The following BTBD9 variants were observed in gnomAD, a reference collection of about 807,000 sequenced individuals.
The protein encoded by BTBD9 is BTB domain containing 9.
BTBD9 carries 49 observed loss-of-function variants against 64.3 expected under a neutral mutation model. The ratio of observed to expected loss-of-function variants is 0.76; its 90% CI spans 0.61 to 0.97. The LOEUF (loss-of-function observed/expected upper bound fraction) is 0.97, where lower values mean the gene tolerates loss of function less well. BTBD9 is among the 50% of genes least tolerant of loss of function. The pLI, the probability that BTBD9 is intolerant of heterozygous loss-of-function variation, is 0.00. For synonymous variants in BTBD9, 260 were observed against 274.7 expected (o/e 0.95, Z 0.53); for missense variants, 598 against 762.1 (o/e 0.78, Z 2.53).
intron 8 of BTBD9, among the ~76,000 whole-genome samples, chr6:38,256,874 C>T (rs921667759): frequency 6.6e-5 from 10 of 152,094 alleles, no homozygotes; most frequent in Admixed American, 4.6e-4. Flanking sequence ...ACTGTAATTT[C>T]GAGTTGATTT....
intron 6 of BTBD9, among the ~76,000 whole-genome samples, chr6:38,536,879 T>G (rs1774043402): frequency 6.6e-6 from 1 of 152,010 alleles, no homozygotes; most frequent in Non-Finnish European, 1.5e-5. Flanking sequence ...TCTAGTTAGA[T>G]AGAATGAATA....
intron 6 of BTBD9, among the ~76,000 whole-genome samples, chr6:38,363,791 T>C (rs1159493436): frequency 6.6e-6 from 1 of 152,180 alleles, no homozygotes; most frequent in Non-Finnish European, 1.5e-5. Flanking sequence ...ATGGTGAAAT[T>C]AGGTTACATA....
chr6:38,360,817 A>G (rs1350393164), intron 6 of BTBD9, among the ~76,000 whole-genome samples: 2 of 118,836 alleles, frequency 1.7e-5, no homozygotes, highest in African/African-American at 5.6e-5. Context: ...ACAGGATGGA[A>G]CAACAAGATA....
chr6:38,545,859 C>T lies in BTBD9; in HGVS notation c.1154+31741G>A, dbSNP rs9784853. ...TAAAACACACACACACACACATACA[C>T]ACACACACACACACACACACACACA... On this transcript the variant is annotated intron_variant, in intron 6 of 10. Coordinates refer to ENST00000481247, the MANE Select transcript of BTBD9 (RefSeq NM_001099272.2). 2.4e-3 allele frequency among the ~76,000 whole-genome samples: 140 copies of T among 57,770 alleles called. 1 individual carries two copies. The highest frequency in any genetic ancestry group is 7.8e-3 in the African/African-American group (134 of 17,246). The allele number at this position is 57,770 out of a possible 152,430, so 37.9% of individuals were successfully genotyped here.
intron 6 of BTBD9, among the ~76,000 whole-genome samples, chr6:38,429,722 C>T (rs1375218625): frequency 6.6e-6 from 1 of 151,970 alleles, no homozygotes; most frequent in Non-Finnish European, 1.5e-5. Flanking sequence ...TAGTGTTACG[C>T]ATTTTTTCTC....
chr6:38,539,031 A>C (rs34903004), intron 6 of BTBD9, among the ~76,000 whole-genome samples: 28,259 of 151,868 alleles, frequency 0.19, 2,672 homozygotes, highest in East Asian at 0.27. Context: ...GTCTCAAACT[A>C]CTGAGCTCAA....
intron 6 of BTBD9, among the ~76,000 whole-genome samples, chr6:38,560,988 G>A (rs1471848992): frequency 6.6e-6 from 1 of 152,104 alleles, no homozygotes; most frequent in East Asian, 1.9e-4. Flanking sequence ...TACCATTGAT[G>A]GGCATTTAGG....
chr6:38,592,662 CCT>C lies in BTBD9; in HGVS notation c.726_727del (p.Gly243ThrfsTer5). The C allele has an allele frequency of 6.2e-7, 1 of 1,614,068 alleles. No homozygotes were observed. The highest frequency in any genetic ancestry group is 1.1e-5 in the South Asian group (1 of 91,062). The stretch of plus-strand genomic sequence containing the variant: ...CAGGATGGCATCAGGAGACAGCAGT[CCT>C]GAAGGCCTCACAACATTCAGAAGCT... On this transcript the variant is annotated frameshift_variant, in exon 4 of 11. Transcript: ENST00000481247. LOFTEE classifies it high-confidence loss of function.
chr6:38,479,592 G>A (rs771236850), intron 6 of BTBD9, among the ~76,000 whole-genome samples: 2 of 152,142 alleles, frequency 1.3e-5, no homozygotes, highest in African/African-American at 2.4e-5. Flanking sequence ...CTTTCTGACT[G>A]CATCCGTGTG....
intron 7 of BTBD9, among the ~76,000 whole-genome samples, chr6:38,294,785 A>G (rs756970999): frequency 8.0e-4 from 122 of 152,074 alleles, no homozygotes; most frequent in Non-Finnish European, 1.3e-3. Flanking sequence ...CATGTATCCC[A>G]GAACTTAAAG....
chr6:38,556,394 G>A (rs969105461), intron 6 of BTBD9, among the ~76,000 whole-genome samples: 5 of 152,040 alleles, frequency 3.3e-5, no homozygotes, highest in African/African-American at 1.2e-4. Context: ...ATGTATATCT[G>A]ACAACTGCCA....
chr6:38,370,817 T>A (rs1420416982), intron 6 of BTBD9, among the ~76,000 whole-genome samples: 1 of 152,246 alleles, frequency 6.6e-6, no homozygotes, highest in Admixed American at 6.5e-5. Context: ...GCCCTTAACA[T>A]GTCACGGAGT....
chr6:38,306,752 T>C (rs1762639632), intron 7 of BTBD9, among the ~76,000 whole-genome samples: 1 of 152,224 alleles, frequency 6.6e-6, no homozygotes, highest in Non-Finnish European at 1.5e-5. Flanking sequence ...TGACATGTTA[T>C]TTAACTGTCT....
rs577161466 is a variant in BTBD9 at position 38,389,169 on chromosome 6, AT to A, written c.1155-44077del. ...TTTTCACCACATTTTAAAGACATAT[AT>A]TATATCTATGGCCAAATTTCTTTCT... On this transcript the variant is annotated intron_variant, in intron 6 of 10. Coordinates refer to ENST00000481247, the MANE Select transcript of BTBD9 (RefSeq NM_001099272.2). 7.5e-4 allele frequency among the ~76,000 whole-genome samples: 114 copies of A among 152,342 alleles called. 1 individual carries two copies. The South Asian group carries it at 0.022, about 30-fold the overall frequency.
chr6:38,332,609 G>A (rs1031882912), intron 7 of BTBD9, among the ~76,000 whole-genome samples: 8 of 150,818 alleles, frequency 5.3e-5, no homozygotes, highest in African/African-American at 2.0e-4. Flanking sequence ...TTTTTTTCAG[G>A]CTTTTTTAAG....
intron 6 of BTBD9, among the ~76,000 whole-genome samples, chr6:38,452,856 C>T (rs1460753512): frequency 6.6e-6 from 1 of 151,962 alleles, no homozygotes; most frequent in Non-Finnish European, 1.5e-5. Flanking sequence ...GTAAAAACAC[C>T]ATTATGCCTT....
At chr6:38,315,497 G>C (rs1030995422) in intron 7 of BTBD9, among the ~76,000 whole-genome samples, 15 of 151,364 alleles carry the variant, frequency 9.9e-5, no homozygotes, top group Admixed American at 7.9e-4. Context: ...CACAGGTTTT[G>C]GTATGTTGTG....
chr6:38,624,041 G>C (rs1582733890), intron 1 of BTBD9, among the ~76,000 whole-genome samples: 1 of 152,308 alleles, frequency 6.6e-6, no homozygotes, highest in East Asian at 1.9e-4. Flanking sequence ...GGGATTGAGA[G>C]GTGAGGCCAG....
chr6:38,341,444 T>A (rs943702743), intron 7 of BTBD9, among the ~76,000 whole-genome samples: 3 of 152,180 alleles, frequency 2.0e-5, no homozygotes. Context: ...TAAAACTAGG[T>A]TAGCTGTGAA....
Sources: gnomAD v4.1 joint callset for allele counts (sites outside exome capture counted in the v4.1 genomes callset) on GRCh38, gnomAD v4.1.1 for gene constraint, MANE v1.5 for transcripts, NCBI Gene and HGNC (gene_info 2026-07-23, HGNC 2026-07-21) for gene names.